Variants in MKLN1 observed in about 807,000 individuals in gnomAD.
MKLN1 encodes the protein muskelin 1.
Under a neutral mutation model 99.0 loss-of-function variants are expected in MKLN1, and 18 were observed. The observed-to-expected ratio is 0.18, with a 90% CI of 0.13 to 0.27. The LOEUF is 0.27. Among genes scored for constraint, MKLN1 ranks in the 10% least tolerant of loss-of-function variants. The probability of loss-of-function intolerance (pLI) is 1.00; values close to 1 mark genes in which losing one functional copy is unlikely to be tolerated. For missense variants in MKLN1, 621 were observed against 875.9 expected (o/e 0.71, Z 3.67); for synonymous variants, 288 against 293.2 (o/e 0.98, Z 0.18).
At chr7:131,150,095 G>A (rs576094469) in intron 2 of MKLN1, among the ~76,000 whole-genome samples, 1 of 152,206 alleles carries the variant, frequency 6.6e-6, no homozygotes, top group Non-Finnish European at 1.5e-5. Flanking sequence ...TTCGCAACTA[G>A]ATAGATGTCT....
chr7:131,220,082 A>G (rs1797039239), intron 3 of MKLN1, among the ~76,000 whole-genome samples: 1 of 152,180 alleles, frequency 6.6e-6, no homozygotes, highest in African/African-American at 2.4e-5. Context: ...TATCTGCCTG[A>G]GATCAGTCTT....
chr7:131,389,989 T>C (rs1484508418), intron 4 of MKLN1, among the ~76,000 whole-genome samples: 2 of 152,184 alleles, frequency 1.3e-5, no homozygotes, highest in African/African-American at 4.8e-5. Flanking sequence ...TTAGATACTT[T>C]GAAGAATAAT....
At chr7:131,375,682 G>A (rs6957517) in intron 2 of MKLN1, among the ~76,000 whole-genome samples, 189 bp downstream of exon 2, 2 of 152,198 alleles carry the variant, frequency 1.3e-5, no homozygotes, top group Non-Finnish European at 2.9e-5. Context: ...GGCAAATGCA[G>A]TGTGAGATTT....
chr7:131,399,580 G>A, intron 6 of MKLN1, 147 bp downstream of exon 6: 1 of 657,972 alleles, frequency 1.5e-6, no homozygotes. Flanking sequence ...CTTTGGATTA[G>A]GGACTTCTTT....
At chr7:131,144,720 G>A (rs565083785) in intron 2 of MKLN1, among the ~76,000 whole-genome samples, 9 of 151,884 alleles carry the variant, frequency 5.9e-5, no homozygotes, top group African/African-American at 2.2e-4. Context: ...GCTCACACCT[G>A]TAATCTCAGC....
intron 3 of MKLN1, among the ~76,000 whole-genome samples, chr7:131,235,180 CTT>C (rs1797301098): frequency 6.6e-6 from 1 of 152,064 alleles, no homozygotes; most frequent in African/African-American, 2.4e-5. Context: ...CATTCTCTCT[CTT>C]TCACTCTATC....
chr7:131,311,755 G>A (rs1392923316), intron 3 of MKLN1, among the ~76,000 whole-genome samples: 1 of 151,738 alleles, frequency 6.6e-6, no homozygotes, highest in African/African-American at 2.4e-5. Flanking sequence ...CTTTGATAGA[G>A]AGTAAACTCG....
intron 16 of MKLN1, among the ~76,000 whole-genome samples, chr7:131,476,231 T>C (rs1221590953): frequency 6.6e-6 from 1 of 152,168 alleles, no homozygotes; most frequent in Non-Finnish European, 1.5e-5. Context: ...TTCCCTAAGA[T>C]TGTGACAAGG....
At chr7:131,138,700 G>GAA (rs145800998) in intron 1 of MKLN1, among the ~76,000 whole-genome samples, 3 of 151,140 alleles carry the variant, frequency 2.0e-5, no homozygotes, top group Non-Finnish European at 3.0e-5. Flanking sequence ...TGAGTGAAAT[G>GAA]AAAAAAAAAA....
At chr7:131,259,158 G>GCTAT (rs1328821003) in intron 3 of MKLN1, among the ~76,000 whole-genome samples, 1 of 151,988 alleles carries the variant, frequency 6.6e-6, no homozygotes, top group East Asian at 1.9e-4. Context: ...GATTTACATA[G>GCTAT]CTATGACCAC....
chr7:131,148,867 G>T (rs1310770186), intron 2 of MKLN1, among the ~76,000 whole-genome samples: 3 of 152,196 alleles, frequency 2.0e-5, no homozygotes, highest in African/African-American at 7.2e-5. Flanking sequence ...ATCTGAGAAA[G>T]AATTGGTTTT....
intron 12 of MKLN1, among the ~76,000 whole-genome samples, chr7:131,448,795 T>C (rs991533185): frequency 7.9e-5 from 12 of 152,234 alleles, no homozygotes; most frequent in South Asian, 2.1e-4. Flanking sequence ...GTTTACACAA[T>C]TGAATTTTCC....
chr7:131,117,623 C>T (rs1795298209), intron 1 of MKLN1, among the ~76,000 whole-genome samples: 1 of 152,110 alleles, frequency 6.6e-6, no homozygotes, highest in Non-Finnish European at 1.5e-5. Flanking sequence ...CATTGCATTT[C>T]TTTTTAAAAG....
At chr7:131,176,284 T>G (rs1796298139) in intron 2 of MKLN1, among the ~76,000 whole-genome samples, 1 of 152,204 alleles carries the variant, frequency 6.6e-6, no homozygotes, top group South Asian at 2.1e-4. Context: ...CCTTTATGTA[T>G]TTTTAAGTTT....
rs147269044 is a variant in MKLN1 at position 131,275,438 on chromosome 7, G to A, written c.-179+72464G>A. ...GGCTGGAGTGCAGTGCCATGATCTCGGCTCACTGCAACCTCCACCTTCCGG... is the reference window on the plus strand; with the variant it reads ...GGCTGGAGTGCAGTGCCATGATCTCAGCTCACTGCAACCTCCACCTTCCGG... On this transcript the variant is annotated intron_variant, in intron 3 of 7. Coordinates refer to the MKLN1 transcript ENST00000416992. 6.9e-3 allele frequency among the ~76,000 whole-genome samples: 862 copies of A among 125,734 alleles called. 11 individuals are homozygous for A. The highest frequency in any genetic ancestry group is 0.024 in the African/African-American group (810 of 33,252). The allele number at this position is 125,734 out of a possible 152,430, so 82.5% of individuals were successfully genotyped here.
intron 3 of MKLN1, among the ~76,000 whole-genome samples, chr7:131,289,385 G>A (rs1798181549): frequency 6.6e-6 from 1 of 152,200 alleles, no homozygotes; most frequent in African/African-American, 2.4e-5. Flanking sequence ...CAGCACTTTG[G>A]GAGACCAAGG....
chr7:131,137,852 A>G (rs956569629), intron 1 of MKLN1, among the ~76,000 whole-genome samples: 2 of 150,148 alleles, frequency 1.3e-5, no homozygotes, highest in Non-Finnish European at 3.0e-5. Flanking sequence ...TGGGATTACA[A>G]GTGTGAGCCA....
chr7:131,443,814 G>A (rs1040133089), intron 11 of MKLN1, 112 bp downstream of exon 11: 2 of 826,890 alleles, frequency 2.4e-6, no homozygotes, highest in African/African-American at 3.4e-5. Flanking sequence ...CAATGACAGA[G>A]AAAGACAAAA....
At chr7:131,366,732 A>T (rs1456604421) in intron 1 of MKLN1, among the ~76,000 whole-genome samples, 4 of 152,206 alleles carry the variant, frequency 2.6e-5, no homozygotes, top group Non-Finnish European at 5.9e-5. Flanking sequence ...GAATTGCATG[A>T]ACCTGGGAGG....
Sources: gnomAD v4.1 joint callset for allele counts (sites outside exome capture counted in the v4.1 genomes callset) on GRCh38, gnomAD v4.1.1 for gene constraint, MANE v1.5 for transcripts, NCBI Gene and HGNC (gene_info 2026-07-23, HGNC 2026-07-21) for gene names.